The following CHKA variants were observed in gnomAD, a reference collection of about 807,000 sequenced individuals.
CHKA encodes the protein CHETK-alpha.
CHKA carries 34 observed loss-of-function variants against 60.1 expected under a neutral mutation model. That is an observed-to-expected ratio of 0.57 (90% confidence interval 0.43 to 0.75). The LOEUF (loss-of-function observed/expected upper bound fraction) is 0.75, where lower values mean the gene tolerates loss of function less well. Ranked by LOEUF, CHKA falls within the 30% of genes least tolerant of loss-of-function variation. CHKA has a pLI of 0.00. For missense variants in CHKA, 563 were observed against 561.3 expected (o/e 1.00, Z -0.03); for synonymous variants, 217 against 223.1 (o/e 0.97, Z 0.24).
At chr11:68,109,406 C>T (rs1025507236) in intron 1 of CHKA, among the ~76,000 whole-genome samples, 57 of 151,990 alleles carry the variant, frequency 3.8e-4, no homozygotes, top group African/African-American at 1.3e-3. Flanking sequence ...TTTTTAAATA[C>T]GACAGAACAT....
At position 68,053,863 on chromosome 11, in the gene CHKA, T is replaced by C. The variant is rs1855893458; in HGVS notation, c.*125A>G. The stretch of plus-strand genomic sequence containing the variant: ...AATACCGTCTTTAGTATCATACACA[T>C]GTGTTCAGTAGTGAGCCACCCAAAG... On this transcript the variant is annotated 3_prime_UTR_variant, in exon 12 of 12. Transcript: ENST00000265689. The C allele has an allele frequency of 1.5e-6, 1 of 655,802 alleles. No homozygotes were observed. The highest frequency in any genetic ancestry group is 2.7e-6 in the Non-Finnish European group (1 of 368,864). The allele number at this position is 655,802 out of a possible 1,614,324, so 40.6% of individuals were successfully genotyped here.
Position 68,053,128 on chromosome 11 carries a change from G to A in CHKA, c.*860C>T, listed in dbSNP as rs957712477. On this transcript the variant is annotated 3_prime_UTR_variant, in exon 12 of 12. Coordinates refer to ENST00000265689, the MANE Select transcript of CHKA (RefSeq NM_001277.3). ...GGGCCCTTGGAGAACCCTGCCCAGG[G>A]GAGGCCCAGCCTACTCACAGGATCC... The A allele has an allele frequency of 6.5e-6, 1 of 153,142 alleles. No homozygotes were observed. Among genetic ancestry groups the A allele is most frequent in the Non-Finnish European group, 1.5e-5 (1 of 68,434 alleles). The allele number at this position is 153,142 out of a possible 1,614,324, so 9.5% of individuals were successfully genotyped here. A position where few individuals can be genotyped will look rare whatever the true frequency, so the allele number is the denominator to read the frequency against.
chr11:68,095,274 A>T (rs1161128265), intron 2 of CHKA, among the ~76,000 whole-genome samples: 1 of 149,110 alleles, frequency 6.7e-6, no homozygotes. Context: ...GTGGTGGCGG[A>T]CACCTGTAGT....
chr11:68,119,760 G>A (rs150109432), intron 1 of CHKA, among the ~76,000 whole-genome samples: 1,524 of 152,200 alleles, frequency 0.01, 13 homozygotes, highest in Middle Eastern at 0.027. Flanking sequence ...GAGCCACTGC[G>A]CCCGGCCCGG....
At chr11:68,120,328 T>C (rs890409020) in intron 1 of CHKA, among the ~76,000 whole-genome samples, 1 of 152,160 alleles carries the variant, frequency 6.6e-6, no homozygotes, top group African/African-American at 2.4e-5. Flanking sequence ...GTGATGTCTC[T>C]TAGGGGATGA....
At chr11:68,084,363 C>T (rs1242379526) in intron 2 of CHKA, among the ~76,000 whole-genome samples, 33 of 115,002 alleles carry the variant, frequency 2.9e-4, no homozygotes, top group African/African-American at 9.6e-4. Flanking sequence ...TATATATACA[C>T]ATATATACGT....
intron 2 of CHKA, among the ~76,000 whole-genome samples, chr11:68,094,558 C>T (rs1857441616): frequency 6.6e-6 from 1 of 152,088 alleles, no homozygotes; most frequent in African/African-American, 2.4e-5. Flanking sequence ...AAAGGCACAC[C>T]AGTAAAAGTG....
chr11:68,111,253 A>T (rs1324434309), intron 1 of CHKA, among the ~76,000 whole-genome samples: 1 of 151,918 alleles, frequency 6.6e-6, no homozygotes, highest in Non-Finnish European at 1.5e-5. Flanking sequence ...CTCTACTAAA[A>T]ATACAAAAAT....
chr11:68,101,455 C>G (rs1005139299), intron 1 of CHKA, among the ~76,000 whole-genome samples: 2 of 152,032 alleles, frequency 1.3e-5, no homozygotes, highest in Non-Finnish European at 2.9e-5. Context: ...CTAATAAGTT[C>G]AGTAAGATTG....
In CHKA at chr11:68,121,286, AG is replaced by A; in HGVS notation, c.-110del. ...TCTCTCACTGGCAGGCCGGCGGGGC[AG>A]GGGGCCGCGGCGGTTGGGCGCGCGG... On this transcript the variant is annotated 5_prime_UTR_variant, in exon 1 of 12. Coordinates refer to ENST00000265689, the MANE Select transcript of CHKA (RefSeq NM_001277.3). The A allele has an allele frequency of 1.1e-6, 1 of 922,330 alleles. No homozygotes were observed. Among genetic ancestry groups the A allele is most frequent in the African/African-American group, 1.8e-5 (1 of 54,344 alleles). 57.1% of individuals were successfully genotyped at this position (922,330 alleles called of 1,614,324 possible).
chr11:68,074,890 G>A, intron 3 of CHKA, 60 bp from the exon 4 acceptor site: 1 of 1,516,298 alleles, frequency 6.6e-7, no homozygotes, highest in Non-Finnish European at 9.1e-7. Context: ...CCAGGCATCA[G>A]AAGCACTCTC....
At position 68,070,357 on chromosome 11, in the gene CHKA, T is replaced by A; in HGVS notation, c.765-64A>T. ...CACCGATCAATTCACCAAGGCTTGC[T>A]GTTCTTGGGGCTTTGGTTAAACATT... is the stretch of plus-strand genomic sequence containing the variant. On this transcript the variant is annotated intron_variant, in intron 5 of 11. Coordinates refer to ENST00000265689, the MANE Select transcript of CHKA (RefSeq NM_001277.3). 9.2e-6 allele frequency: 11 copies of A among 1,198,744 alleles called. No individual in the cohort carries two copies. The South Asian group carries it at 1.3e-4, about 15-fold the overall frequency. The allele number at this position is 1,198,744 out of a possible 1,614,324, so 74.3% of individuals were successfully genotyped here.
chr11:68,090,267 GT>G (rs1029545990), intron 2 of CHKA, among the ~76,000 whole-genome samples: 2 of 152,204 alleles, frequency 1.3e-5, no homozygotes, highest in African/African-American at 2.4e-5. Context: ...TGAGAAGGAA[GT>G]TTTGACTGCC....
chr11:68,100,869 CACTA>C (rs971315375), intron 1 of CHKA, among the ~76,000 whole-genome samples: 7 of 149,148 alleles, frequency 4.7e-5, no homozygotes, highest in African/African-American at 1.7e-4. Flanking sequence ...GTGCACGCAT[CACTA>C]ACTGTCAACC....
intron 4 of CHKA, among the ~76,000 whole-genome samples, chr11:68,073,578 C>CACTGGCA (rs1206984804): frequency 6.6e-6 from 1 of 152,202 alleles, no homozygotes; most frequent in Non-Finnish European, 1.5e-5. Flanking sequence ...ACATCCTCAG[C>CACTGGCA]ACTGGCAGCT....
intron 1 of CHKA, among the ~76,000 whole-genome samples, chr11:68,105,690 C>A (rs1380000896): frequency 6.6e-6 from 1 of 152,086 alleles, no homozygotes; most frequent in East Asian, 1.9e-4. Context: ...AGGCAGATGA[C>A]AAACCTGAGG....
chr11:68,113,317 T>C (rs1035775397), intron 1 of CHKA, among the ~76,000 whole-genome samples: 2 of 151,926 alleles, frequency 1.3e-5, no homozygotes, highest in African/African-American at 4.8e-5. Flanking sequence ...AGACACAAAC[T>C]GACATCTCAT....
At chr11:68,104,948 T>C (rs1317420404) in intron 1 of CHKA, among the ~76,000 whole-genome samples, 1 of 151,024 alleles carries the variant, frequency 6.6e-6, no homozygotes, top group African/African-American at 2.4e-5. Flanking sequence ...CTACTAAAAA[T>C]ACAAAATTAG....
chr11:68,097,172 G>T, intron 1 of CHKA, 42 bp from the exon 2 acceptor site: 1 of 1,458,418 alleles, frequency 6.9e-7, no homozygotes, highest in Non-Finnish European at 9.6e-7. Context: ...TATTGCAGGT[G>T]AGCTAAATCA....
Sources: allele counts gnomAD v4.1 joint callset (sites outside exome capture counted in the v4.1 genomes callset), GRCh38; gene constraint gnomAD v4.1.1; transcripts MANE v1.5; gene names NCBI Gene and HGNC (gene_info 2026-07-23, HGNC 2026-07-21).